GABRG3: variants seen among roughly 807,000 people sequenced by gnomAD.
GABRG3 encodes gamma-aminobutyric acid receptor subunit gamma-3.
In GABRG3, 25 loss-of-function variants were observed where a neutral mutation model predicts 48.8. That is an observed-to-expected ratio of 0.51 (90% CI 0.37 to 0.72). The LOEUF (loss-of-function observed/expected upper bound fraction) is 0.72. GABRG3 is among the 30% of genes least tolerant of loss of function. The pLI is 0.00. For missense variants in GABRG3, 394 were observed against 577.9 expected, an observed-to-expected ratio of 0.68 and a Z score of 3.26; for synonymous variants, 227 against 217.6, an observed-to-expected ratio of 1.04 and a Z score of -0.38.
At chr15:27,134,965 G>A (rs565924847) in intron 3 of GABRG3, among the ~76,000 whole-genome samples, 1 of 152,316 alleles carries the variant, frequency 6.6e-6, no homozygotes, top group South Asian at 2.1e-4. Context: ...AGTGCATTAA[G>A]GTGTTGCCCA....
intron 5 of GABRG3, among the ~76,000 whole-genome samples, chr15:27,391,844 G>A (rs923253013): frequency 7.2e-5 from 11 of 152,080 alleles, no homozygotes; most frequent in African/African-American, 2.2e-4. Flanking sequence ...AGTGTTGTTC[G>A]CTAACCATAT....
chr15:26,991,469 T>C (rs1213671871), intron 2 of GABRG3, among the ~76,000 whole-genome samples: 4 of 152,164 alleles, frequency 2.6e-5, no homozygotes, highest in African/African-American at 9.7e-5. Flanking sequence ...AAAACTGTCA[T>C]TGGTATTTTG....
intron 5 of GABRG3, among the ~76,000 whole-genome samples, chr15:27,416,810 G>A (rs1364685030): frequency 6.6e-6 from 1 of 152,130 alleles, no homozygotes; most frequent in East Asian, 1.9e-4. Flanking sequence ...TTTGCCCTGT[G>A]ACCTCACTTC....
chr15:27,346,217 TTTTC>T (rs1428071491), intron 5 of GABRG3, among the ~76,000 whole-genome samples: 2 of 152,180 alleles, frequency 1.3e-5, no homozygotes, highest in East Asian at 1.9e-4. Flanking sequence ...GTCTGGAGCT[TTTTC>T]TTTCTTTCAA....
rs73373437 is a variant in GABRG3, at chr15:27,155,774, C to T, written c.270+128953C>T. ...GGACGGGTACAAGTACCTGCTTCCA[C>T]GTGGTCTCCAACTATATCATTAGGA... On this transcript the variant is annotated intron_variant, in intron 3 of 9. Transcript: ENST00000615808. 5.8e-3 allele frequency among the ~76,000 whole-genome samples: 885 copies of T among 152,202 alleles called. 9 individuals are homozygous for T. The highest frequency in any genetic ancestry group is 0.02 in the African/African-American group (831 of 41,520).
intron 6 of GABRG3, among the ~76,000 whole-genome samples, chr15:27,493,025 ATAG>A (rs1304396952): frequency 6.6e-6 from 1 of 152,248 alleles, no homozygotes; most frequent in African/African-American, 2.4e-5. Context: ...TTGAGACAAA[ATAG>A]TAGTGGTGGC....
intron 3 of GABRG3, among the ~76,000 whole-genome samples, chr15:27,093,316 T>A (rs1437454989): frequency 6.6e-6 from 1 of 152,158 alleles, no homozygotes; most frequent in Non-Finnish European, 1.5e-5. Context: ...TTACATGCCC[T>A]CCTCATTGGT....
intron 3 of GABRG3, among the ~76,000 whole-genome samples, chr15:27,037,197 C>T (rs571437129): frequency 5.9e-5 from 9 of 152,292 alleles, no homozygotes; most frequent in Non-Finnish European, 1.0e-4. Context: ...TTCCAGAACC[C>T]GGAGAGAAAA....
chr15:27,004,300 A>G (rs546493185), intron 2 of GABRG3, among the ~76,000 whole-genome samples: 2 of 145,512 alleles, frequency 1.4e-5, no homozygotes, highest in African/African-American at 5.1e-5. Flanking sequence ...CGCTCCTCAC[A>G]TCCCAGACGG....
At chr15:27,284,347 A>G (rs1425037982) in intron 3 of GABRG3, among the ~76,000 whole-genome samples, 1 of 152,246 alleles carries the variant, frequency 6.6e-6, no homozygotes, top group Non-Finnish European at 1.5e-5. Context: ...CTAAGACTTA[A>G]TTTTAAAAAT....
At chr15:27,099,436 CTGTT>C (rs1021964855) in intron 3 of GABRG3, among the ~76,000 whole-genome samples, 4 of 152,124 alleles carry the variant, frequency 2.6e-5, no homozygotes, top group African/African-American at 4.8e-5. Context: ...ATGGTTTCCC[CTGTT>C]TGTTTGTGCC....
chr15:27,001,051 C>T (rs1380814128), intron 2 of GABRG3, among the ~76,000 whole-genome samples: 2 of 152,182 alleles, frequency 1.3e-5, no homozygotes, highest in African/African-American at 2.4e-5. Flanking sequence ...AGGACCTTTA[C>T]AGGTCTCCAT....
chr15:27,269,671 G>T (rs1175641449), intron 3 of GABRG3, among the ~76,000 whole-genome samples: 2 of 152,138 alleles, frequency 1.3e-5, no homozygotes, highest in Non-Finnish European at 2.9e-5. Context: ...TTGTGTCTCA[G>T]GCCCTGCGTA....
chr15:27,418,210 A>G (rs1046269456), intron 5 of GABRG3, among the ~76,000 whole-genome samples: 2 of 152,198 alleles, frequency 1.3e-5, no homozygotes, highest in African/African-American at 2.4e-5. Context: ...GCTGGCTCCA[A>G]CAAGAAGTAC....
intron 3 of GABRG3, among the ~76,000 whole-genome samples, chr15:27,091,476 C>T (rs990733488): frequency 1.3e-5 from 2 of 152,088 alleles, no homozygotes; most frequent in African/African-American, 4.8e-5. Flanking sequence ...TAATGATGAC[C>T]TCATAGAAAG....
chr15:27,181,463 T>C (rs562156431), intron 3 of GABRG3, among the ~76,000 whole-genome samples: 1 of 152,266 alleles, frequency 6.6e-6, no homozygotes, highest in African/African-American at 2.4e-5. Context: ...TACAGACTTG[T>C]GGCTGCACAG....
At position 27,120,740 on chromosome 15, in the gene GABRG3, C is replaced by T. The variant is rs111714369; in HGVS notation, c.270+93919C>T. Reference sequence around the variant, plus strand: ...CTTGAAGGCCATCTTCTTGTTATCACAAGGTTGACTTACAGGAAATGTATT... The same window carrying T: ...CTTGAAGGCCATCTTCTTGTTATCATAAGGTTGACTTACAGGAAATGTATT... On this transcript the variant is annotated intron_variant, in intron 3 of 9. Coordinates refer to ENST00000615808, the MANE Select transcript of GABRG3 (RefSeq NM_033223.5). Among the ~76,000 whole-genome samples the T allele has an allele frequency of 9.4e-3, 1,423 of 152,170 alleles. 11 individuals carry two copies. The highest frequency in any genetic ancestry group is 0.017 in the Admixed American group (255 of 15,278).
chr15:27,528,897 G>A (rs1453289921), intron 9 of GABRG3, among the ~76,000 whole-genome samples: 1 of 151,998 alleles, frequency 6.6e-6, no homozygotes, highest in Admixed American at 6.6e-5. Flanking sequence ...TGATATTAAT[G>A]TTTGTCATGT....
At chr15:27,473,463 G>T (rs888528148) in intron 5 of GABRG3, among the ~76,000 whole-genome samples, 2 of 152,154 alleles carry the variant, frequency 1.3e-5, no homozygotes, top group Non-Finnish European at 2.9e-5. Context: ...AGTTAGAAAT[G>T]ATTACCTTTC....
Sources: gnomAD v4.1 joint callset for allele counts (sites outside exome capture counted in the v4.1 genomes callset) on GRCh38, gnomAD v4.1.1 for gene constraint, MANE v1.5 for transcripts, NCBI Gene and HGNC (gene_info 2026-07-23, HGNC 2026-07-21) for gene names.